The following FMNL2 variants were observed in gnomAD, a reference collection of about 807,000 sequenced individuals.
FMNL2 encodes formin like 2, also known as formin-like protein 2.
FMNL2 carries 51 observed loss-of-function variants against 130.2 expected under a neutral mutation model. The ratio of observed to expected loss-of-function variants is 0.39; its 90% CI spans 0.31 to 0.49. The LOEUF (loss-of-function observed/expected upper bound fraction) is 0.49. Among genes scored for constraint, FMNL2 ranks in the 20% least tolerant of loss-of-function variants. FMNL2 has a pLI of 0.85. For missense variants in FMNL2, 977 were observed against 1,316.2 expected (o/e 0.74, Z 3.99); for synonymous variants, 465 against 467.1 (o/e 1.00, Z 0.06).
chr2:152,565,364 A>C (rs557559472), intron 6 of FMNL2, among the ~76,000 whole-genome samples: 4 of 152,300 alleles, frequency 2.6e-5, no homozygotes, highest in African/African-American at 7.2e-5. Context: ...GAAGTGAAAG[A>C]ACATGAGTTG....
chr2:152,348,603 G>A (rs1394321068), intron 1 of FMNL2, among the ~76,000 whole-genome samples: 3 of 152,190 alleles, frequency 2.0e-5, no homozygotes, highest in East Asian at 3.9e-4. Context: ...TCACTTGACT[G>A]TGGTAGGTGT....
At chr2:152,502,148 G>A (rs561675942) in intron 1 of FMNL2, among the ~76,000 whole-genome samples, 1 of 152,292 alleles carries the variant, frequency 6.6e-6, no homozygotes, top group South Asian at 2.1e-4. Flanking sequence ...ACAGAGTTTT[G>A]CTTGAGGATG....
At chr2:152,493,921 T>C (rs867252006) in intron 1 of FMNL2, among the ~76,000 whole-genome samples, 5 of 152,378 alleles carry the variant, frequency 3.3e-5, no homozygotes, top group Admixed American at 1.3e-4. Context: ...GACCCTGTAA[T>C]TTTGCTTTTA....
At chr2:152,387,957 C>T (rs1322286263) in intron 1 of FMNL2, among the ~76,000 whole-genome samples, 4 of 151,988 alleles carry the variant, frequency 2.6e-5, no homozygotes, top group Admixed American at 6.6e-5. Context: ...CTTGGCTGCA[C>T]GTTTTCTTTC....
intron 1 of FMNL2, among the ~76,000 whole-genome samples, chr2:152,507,053 C>T (rs772402485): frequency 2.0e-4 from 30 of 152,184 alleles, no homozygotes; most frequent in Non-Finnish European, 3.7e-4. Flanking sequence ...GGAAATGTTG[C>T]GTGACTCAGG....
At chr2:152,372,377 T>C (rs1683937837) in intron 1 of FMNL2, among the ~76,000 whole-genome samples, 1 of 152,230 alleles carries the variant, frequency 6.6e-6, no homozygotes, top group African/African-American at 2.4e-5. Flanking sequence ...GTTGCCTGCC[T>C]TCAGATAGCT....
rs1683889381 is a variant in FMNL2, at chr2:152,649,438, TTTCAC to T, written c.*1536_*1540del. 1 of 152,618 alleles carries T rather than the reference TTTCAC, an allele frequency of 6.6e-6. No homozygotes were observed. Among genetic ancestry groups the T allele is most frequent in the Non-Finnish European group, 1.5e-5 (1 of 68,028 alleles). 9.5% of individuals were successfully genotyped at this position (152,618 alleles called of 1,614,324 possible). A position where few individuals can be genotyped will look rare whatever the true frequency, so the allele number is the denominator to read the frequency against. The stretch of plus-strand genomic sequence containing the variant: ...TTTAGGGAACAAGTTACCTACCACA[TTTCAC>T]TTTAGTGTACCTATTTACAGAAAGA... On this transcript the variant is annotated 3_prime_UTR_variant, in exon 26 of 26. Transcript: ENST00000288670.
chr2:152,538,807 ATTTGCC>A (rs1694147496), intron 2 of FMNL2, among the ~76,000 whole-genome samples: 4 of 152,148 alleles, frequency 2.6e-5, no homozygotes, highest in African/African-American at 9.7e-5. Flanking sequence ...TCAGCACCTG[ATTTGCC>A]AAACCTTTTC....
chr2:152,535,054 G>C (rs938323621), intron 2 of FMNL2, among the ~76,000 whole-genome samples: 1 of 152,144 alleles, frequency 6.6e-6, no homozygotes, highest in Non-Finnish European at 1.5e-5. Flanking sequence ...TGGGAACGGA[G>C]GAAAGAGGTA....
chr2:152,366,784 G>A (rs934301772), intron 1 of FMNL2, among the ~76,000 whole-genome samples: 7 of 152,108 alleles, frequency 4.6e-5, no homozygotes, highest in African/African-American at 7.2e-5. Flanking sequence ...TGGGCAACAC[G>A]GTGAAACCCC....
intron 13 of FMNL2, 42 bp downstream of exon 13, chr2:152,617,234 G>C: frequency 1.3e-6 from 2 of 1,565,786 alleles, no homozygotes; most frequent in Non-Finnish European, 1.8e-6. Flanking sequence ...GCACGGTAGG[G>C]AATGTACTCC....
chr2:152,396,694 TCTCTCCC>T (rs1364003707), intron 1 of FMNL2, among the ~76,000 whole-genome samples: 1 of 152,160 alleles, frequency 6.6e-6, no homozygotes, highest in Non-Finnish European at 1.5e-5. Flanking sequence ...AACTCTCCCC[TCTCTCCC>T]CTCTCCCCTC....
chr2:152,647,678 C>A, intron 25 of FMNL2, 118 bp from the exon 26 acceptor site: 1 of 837,784 alleles, frequency 1.2e-6, no homozygotes, highest in Non-Finnish European at 2.1e-6. Context: ...GTTTGAAGGG[C>A]CCATTAGCTG....
At chr2:152,645,876 A>G (rs1487697915) in intron 25 of FMNL2, among the ~76,000 whole-genome samples, 1 of 152,206 alleles carries the variant, frequency 6.6e-6, no homozygotes, top group Non-Finnish European at 1.5e-5. Flanking sequence ...CCTTTGAAGG[A>G]TTAAGATCTT....
chr2:152,483,759 CAT>C (rs537727926), intron 1 of FMNL2, among the ~76,000 whole-genome samples: 190 of 152,364 alleles, frequency 1.2e-3, no homozygotes, highest in African/African-American at 4.1e-3. Context: ...TGCAACTACA[CAT>C]GTTTCTAGAC....
intron 1 of FMNL2, among the ~76,000 whole-genome samples, chr2:152,457,604 C>T (rs1300379543): frequency 1.3e-5 from 2 of 152,174 alleles, no homozygotes; most frequent in Non-Finnish European, 2.9e-5. Flanking sequence ...CAGTGTATAG[C>T]AGAGAAGTCC....
intron 23 of FMNL2, 106 bp downstream of exon 23, chr2:152,637,780 C>A: frequency 1.0e-6 from 1 of 968,796 alleles, no homozygotes; most frequent in Non-Finnish European, 1.6e-6. Flanking sequence ...CTGTGGACAG[C>A]AGATCTGGGT....
At chr2:152,449,221 A>G (rs1688509987) in intron 1 of FMNL2, among the ~76,000 whole-genome samples, 1 of 152,050 alleles carries the variant, frequency 6.6e-6, no homozygotes. Flanking sequence ...TCTTTCCGGA[A>G]CTATGGGATT....
chr2:152,481,350 C>T (rs556366188), intron 1 of FMNL2, among the ~76,000 whole-genome samples: 4 of 152,306 alleles, frequency 2.6e-5, no homozygotes, highest in Non-Finnish European at 5.9e-5. Context: ...TTGACCCACC[C>T]GTTCATTATT....
Sources: allele counts gnomAD v4.1 joint callset (sites outside exome capture counted in the v4.1 genomes callset), GRCh38; gene constraint gnomAD v4.1.1; transcripts MANE v1.5; gene names NCBI Gene and HGNC (gene_info 2026-07-23, HGNC 2026-07-21).